The following ADAM23 variants were observed in gnomAD, a reference collection of about 807,000 sequenced individuals.
ADAM23 encodes the protein disintegrin and metalloproteinase domain-containing protein 23.
Under a neutral mutation model 120.1 loss-of-function variants are expected in ADAM23, and 33 were observed. The observed-to-expected ratio is 0.27, with a 90% CI of 0.21 to 0.37. The LOEUF (loss-of-function observed/expected upper bound fraction) is 0.37, where lower values mean the gene tolerates loss of function less well. Ranked by LOEUF, ADAM23 falls within the 10% of genes least tolerant of loss-of-function variation. The probability of loss-of-function intolerance (pLI) is 1.00; values close to 1 mark genes in which losing one functional copy is unlikely to be tolerated. For missense variants in ADAM23, 862 were observed against 1,058.2 expected (o/e 0.81, Z 2.57); for synonymous variants, 367 against 375.2 (o/e 0.98, Z 0.25).
rs60394373 is a variant in ADAM23, at chr2:206,570,680, AT to A, written c.1495-59del. 15,546 of 1,352,858 alleles carry A rather than the reference AT, an allele frequency of 0.011. 1,332 individuals carry two copies. The African/African-American group carries it at 0.19, about 17-fold the overall frequency. The allele number at this position is 1,352,858 out of a possible 1,614,324, so 83.8% of individuals were successfully genotyped here. A position where few individuals can be genotyped will look rare whatever the true frequency, so the allele number is the denominator to read the frequency against. On this transcript the variant is annotated intron_variant, in intron 15 of 25. Transcript: ENST00000264377. ...ACGGCCATTGTATGTGGCCCAGTTG[AT>A]GTGCTGATTTTCTGTGATAAATTGA...
chr2:206,531,417 C>T lies in ADAM23; in HGVS notation c.573+469C>T, dbSNP rs370961707. Among the ~76,000 whole-genome samples, 42 of 152,220 alleles carry T rather than the reference C, an allele frequency of 2.8e-4. No homozygotes were observed. In the South Asian group the frequency reaches 8.7e-3, roughly 32 times the overall value. On this transcript the variant is annotated intron_variant, in intron 4 of 25. Transcript: ENST00000264377. ...ATTCTATGAGGTGGATGTTATTATT[C>T]CTGCTGTACTATGGAAGAAATTAAG...
intron 11 of ADAM23, 144 bp from the exon 12 acceptor site, chr2:206,560,984 T>G (rs1697752888): frequency 1.6e-6 from 1 of 624,620 alleles, no homozygotes. Context: ...TGTCATAAAT[T>G]TTAAGGTAGT....
intron 2 of ADAM23, among the ~76,000 whole-genome samples, chr2:206,474,383 T>G (rs1018578642): frequency 2.0e-5 from 3 of 152,144 alleles, no homozygotes; most frequent in Admixed American, 6.5e-5. Context: ...TTTGCAAATT[T>G]TGCTGAGTGT....
intron 2 of ADAM23, among the ~76,000 whole-genome samples, chr2:206,454,427 A>G (rs141422730): frequency 8.1e-4 from 123 of 152,286 alleles, no homozygotes; most frequent in South Asian, 4.4e-3. Context: ...AAGGATTACA[A>G]TTCAACATGA....
intron 25 of ADAM23, among the ~76,000 whole-genome samples, chr2:206,612,559 G>A (rs1698845776): frequency 6.6e-6 from 1 of 152,130 alleles, no homozygotes; most frequent in African/African-American, 2.4e-5. Context: ...TTTGATTAAA[G>A]GAAAATACAG....
chr2:206,506,546 G>C (rs539975161), intron 3 of ADAM23, among the ~76,000 whole-genome samples: 8 of 152,300 alleles, frequency 5.3e-5, no homozygotes, highest in African/African-American at 1.9e-4. Flanking sequence ...GGCTGTCATG[G>C]ACCTTAACGT....
intron 18 of ADAM23, among the ~76,000 whole-genome samples, chr2:206,579,806 G>T (rs1033806343): frequency 3.9e-5 from 6 of 152,126 alleles, no homozygotes; most frequent in East Asian, 1.9e-4. Context: ...TGAATTTGTA[G>T]ATTGCTTTTG....
At chr2:206,555,548 A>C (rs1348906272) in intron 9 of ADAM23, among the ~76,000 whole-genome samples, 7 of 152,154 alleles carry the variant, frequency 4.6e-5, no homozygotes, top group African/African-American at 1.7e-4. Context: ...AGGCAAAATA[A>C]TTTTTCTAAA....
At chr2:206,500,639 T>C (rs1696368167) in intron 3 of ADAM23, among the ~76,000 whole-genome samples, 1 of 152,198 alleles carries the variant, frequency 6.6e-6, no homozygotes, top group South Asian at 2.1e-4. Flanking sequence ...GTTAGTCTTG[T>C]CCTTCCTCTG....
chr2:206,444,064 G>A lies in ADAM23; in HGVS notation c.198G>A (p.Gly66=). The change falls in exon 1 of 26, where the codon GGG becomes GGA. Residue 66 remains glycine, a synonymous_variant. Transcript: ENST00000264377. ...CCTCGTCCCGGCCCCGCGCCTGGGG[G>A]GCTGCTGCGCCCAGCGGTGGGTATG... ...LAASSRPRAW[G]AAAPSAPHWN... The A allele has an allele frequency of 7.3e-7, 1 of 1,378,230 alleles. No homozygotes were observed. Among genetic ancestry groups the A allele is most frequent in the Non-Finnish European group, 9.4e-7 (1 of 1,063,944 alleles). 85.4% of individuals were successfully genotyped at this position (1,378,230 alleles called of 1,614,324 possible).
chr2:206,513,009 A>G (rs1696657258), intron 3 of ADAM23, among the ~76,000 whole-genome samples: 1 of 152,140 alleles, frequency 6.6e-6, no homozygotes, highest in Admixed American at 6.6e-5. Flanking sequence ...TTTATGGATA[A>G]ATGTGTATGT....
chr2:206,573,659 G>C (rs1304739213), intron 18 of ADAM23, among the ~76,000 whole-genome samples: 1 of 151,770 alleles, frequency 6.6e-6, no homozygotes, highest in Non-Finnish European at 1.5e-5. Context: ...TTAAGACATT[G>C]AAAAAATAAT....
At chr2:206,539,543 C>T (rs1415133935) in intron 4 of ADAM23, among the ~76,000 whole-genome samples, 3 of 152,314 alleles carry the variant, frequency 2.0e-5, no homozygotes, top group East Asian at 3.9e-4. Context: ...CACTTTGTTT[C>T]TGTCCCCATA....
At chr2:206,479,246 A>G (rs547675293) in intron 2 of ADAM23, among the ~76,000 whole-genome samples, 72 of 152,346 alleles carry the variant, frequency 4.7e-4, no homozygotes, top group African/African-American at 1.6e-3. Context: ...ATTTACCACC[A>G]GATTACCTTA....
rs139006832 is a variant in ADAM23, at chr2:206,535,315, C to T, written c.573+4367C>T. ...AATGATGGACAATAACAAGTGCTGT[C>T]GAGATTGTGGAGAGATTGGAACCCT... On this transcript the variant is annotated intron_variant, in intron 4 of 25. Transcript: ENST00000264377. 1.2e-4 allele frequency among the ~76,000 whole-genome samples: 18 copies of T among 152,238 alleles called. No individual in the cohort carries two copies. The South Asian group carries it at 3.1e-3, about 26-fold the overall frequency.
At chr2:206,515,265 T>C (rs1161256210) in intron 3 of ADAM23, among the ~76,000 whole-genome samples, 1 of 152,184 alleles carries the variant, frequency 6.6e-6, no homozygotes, top group East Asian at 1.9e-4. Flanking sequence ...CAACTGAGAT[T>C]GATATTTTCC....
intron 3 of ADAM23, among the ~76,000 whole-genome samples, chr2:206,485,322 A>C (rs1695988835): frequency 6.6e-6 from 1 of 152,204 alleles, no homozygotes. Context: ...GAGGACCCAA[A>C]AGAGCTTCTG....
chr2:206,574,725 A>ATG (rs1295701811), intron 18 of ADAM23, among the ~76,000 whole-genome samples: 1 of 152,152 alleles, frequency 6.6e-6, no homozygotes, highest in East Asian at 1.9e-4. Flanking sequence ...TGTCCCACAG[A>ATG]TGTAGCCCTG....
chr2:206,564,229 G>T (rs772283223), intron 13 of ADAM23, among the ~76,000 whole-genome samples: 1 of 151,784 alleles, frequency 6.6e-6, no homozygotes, highest in Non-Finnish European at 1.5e-5. Context: ...TATATCGATA[G>T]AGAGAGAGGC....
Sources: allele counts gnomAD v4.1 joint callset (sites outside exome capture counted in the v4.1 genomes callset), GRCh38; gene constraint gnomAD v4.1.1; transcripts MANE v1.5; gene names NCBI Gene and HGNC (gene_info 2026-07-23, HGNC 2026-07-21).